The following AGBL1 variants were observed in gnomAD, a reference collection of about 807,000 sequenced individuals.
AGBL1 encodes the protein cytosolic carboxypeptidase 4.
In AGBL1, 130 loss-of-function variants were observed where a neutral mutation model predicts 118.9. That is an observed-to-expected ratio of 1.09 (90% CI 0.95 to 1.26). The LOEUF is 1.26. Among genes scored for constraint, AGBL1 ranks in the 50% most tolerant of loss-of-function variants. The probability of loss-of-function intolerance (pLI) is 0.00; values close to 1 mark genes in which losing one functional copy is unlikely to be tolerated. For synonymous variants in AGBL1, 555 were observed against 478.9 expected, an observed-to-expected ratio of 1.16 and a Z score of -2.08; for missense variants, 1,584 against 1,298.1, an observed-to-expected ratio of 1.22 and a Z score of -3.38.
intron 5 of AGBL1, among the ~76,000 whole-genome samples, chr15:86,223,795 T>G (rs2078316433): frequency 6.6e-6 from 1 of 152,220 alleles, no homozygotes; most frequent in African/African-American, 2.4e-5. Context: ...ACTGCTTTTC[T>G]ACTGTATTTT....
At chr15:86,960,377 G>A (rs2080979806) in intron 23 of AGBL1, among the ~76,000 whole-genome samples, 1 of 151,942 alleles carries the variant, frequency 6.6e-6, no homozygotes. Context: ...TAAATTATCT[G>A]GTTGAAATGA....
At chr15:86,121,651 T>C (rs890053516) in intron 1 of AGBL1, among the ~76,000 whole-genome samples, 3 of 152,226 alleles carry the variant, frequency 2.0e-5, no homozygotes, top group Non-Finnish European at 4.4e-5. Context: ...AGAATCCTCA[T>C]GGATTCTAAG....
intron 22 of AGBL1, among the ~76,000 whole-genome samples, chr15:86,711,313 C>A (rs1028656102): frequency 1.3e-5 from 2 of 152,112 alleles, no homozygotes; most frequent in African/African-American, 4.8e-5. Context: ...CCAACAAGAT[C>A]AATGAAAGCC....
chr15:86,319,205 A>T (rs149233308), intron 17 of AGBL1, among the ~76,000 whole-genome samples: 2 of 152,180 alleles, frequency 1.3e-5, no homozygotes. Context: ...AGGGAATCAT[A>T]GTATCTAGGA....
chr15:86,912,571 T>C lies in AGBL1; in HGVS notation c.*5277T>C, dbSNP rs1301280617. On this transcript the variant is annotated 3_prime_UTR_variant, in exon 23 of 23. Transcript: ENST00000614907. ...TTTGAAATTAACCTGCTCCCTGAGTTACAAGCTCACCTTGAGGGCTGCCAA... is the reference window on the plus strand; with the variant it reads ...TTTGAAATTAACCTGCTCCCTGAGTCACAAGCTCACCTTGAGGGCTGCCAA... 6.6e-6 allele frequency: 1 copy of C among 152,028 alleles called. No homozygotes were observed. The highest frequency in any genetic ancestry group is 1.5e-5 in the Non-Finnish European group (1 of 68,034). 9.4% of individuals were successfully genotyped at this position (152,028 alleles called of 1,614,324 possible).
chr15:86,865,232 C>G (rs1411501180), intron 22 of AGBL1, among the ~76,000 whole-genome samples: 1 of 152,188 alleles, frequency 6.6e-6, no homozygotes, highest in Non-Finnish European at 1.5e-5. Flanking sequence ...TCATCGACAG[C>G]CCTGTGGGAG....
At chr15:86,655,384 C>G (rs976371993) in intron 21 of AGBL1, among the ~76,000 whole-genome samples, 1 of 152,094 alleles carries the variant, frequency 6.6e-6, no homozygotes, top group Non-Finnish European at 1.5e-5. Flanking sequence ...GCAATGATGT[C>G]CTAACTAGTA....
chr15:86,921,663 T>C (rs888168879), intron 23 of AGBL1, among the ~76,000 whole-genome samples: 1 of 152,088 alleles, frequency 6.6e-6, no homozygotes, highest in African/African-American at 2.4e-5. Flanking sequence ...TGATGAGGTT[T>C]GGAGTTGCCT....
intron 22 of AGBL1, among the ~76,000 whole-genome samples, chr15:86,881,684 G>T (rs1190895381): frequency 1.3e-5 from 2 of 152,108 alleles, no homozygotes; most frequent in Non-Finnish European, 2.9e-5. Context: ...ACGCAGGCTG[G>T]AGTGCAGTGG....
intron 17 of AGBL1, among the ~76,000 whole-genome samples, chr15:86,330,899 C>A (rs2080257918): frequency 6.6e-6 from 1 of 151,946 alleles, no homozygotes; most frequent in Admixed American, 6.6e-5. Context: ...TCAAACTAAC[C>A]CAGTCAGACA....
intron 24 of AGBL1, among the ~76,000 whole-genome samples, chr15:86,995,699 C>T (rs1481533957): frequency 6.6e-6 from 1 of 152,206 alleles, no homozygotes; most frequent in Non-Finnish European, 1.5e-5. Context: ...TTCTCTGCTA[C>T]ATTAAGATTT....
chr15:86,898,233 G>T (rs999015594), intron 22 of AGBL1, among the ~76,000 whole-genome samples: 12 of 152,182 alleles, frequency 7.9e-5, no homozygotes, highest in Non-Finnish European at 1.6e-4. Flanking sequence ...TGTCTAAAAA[G>T]TAGCTTGACT....
intron 22 of AGBL1, among the ~76,000 whole-genome samples, chr15:86,680,579 T>TC (rs1487484588): frequency 7.0e-6 from 1 of 143,532 alleles, no homozygotes; most frequent in Non-Finnish European, 1.5e-5. Context: ...TTTTTTTTTT[T>TC]TTTTTTGAGA....
At chr15:86,181,569 G>A (rs1022851740) in intron 5 of AGBL1, among the ~76,000 whole-genome samples, 19 of 151,936 alleles carry the variant, frequency 1.3e-4, no homozygotes, top group African/African-American at 4.6e-4. Context: ...GAAAATTTGA[G>A]GAGGATATTG....
At chr15:86,798,171 CA>C (rs1330614450) in intron 22 of AGBL1, among the ~76,000 whole-genome samples, 2 of 152,026 alleles carry the variant, frequency 1.3e-5, no homozygotes, top group African/African-American at 2.4e-5. Flanking sequence ...GAAAACAGAA[CA>C]AAACAACAAA....
chr15:86,493,872 A>G (rs918338234), intron 18 of AGBL1, among the ~76,000 whole-genome samples: 1 of 151,922 alleles, frequency 6.6e-6, no homozygotes, highest in African/African-American at 2.4e-5. Flanking sequence ...CCCTCCCCTG[A>G]CTGCCCCGAC....
intron 17 of AGBL1, among the ~76,000 whole-genome samples, chr15:86,370,063 A>T (rs1460055954): frequency 6.6e-6 from 1 of 152,212 alleles, no homozygotes; most frequent in East Asian, 1.9e-4. Flanking sequence ...CTATCATAAA[A>T]AATATTTAGA....
intron 21 of AGBL1, among the ~76,000 whole-genome samples, chr15:86,595,994 A>G (rs536277818): frequency 6.6e-6 from 1 of 152,056 alleles, no homozygotes; most frequent in African/African-American, 2.4e-5. Flanking sequence ...TCTGAAAAGC[A>G]TCTCAAAAGA....
At chr15:86,436,957 A>C (rs1472234154) in intron 18 of AGBL1, among the ~76,000 whole-genome samples, 2 of 151,924 alleles carry the variant, frequency 1.3e-5, no homozygotes, top group Non-Finnish European at 2.9e-5. Flanking sequence ...GCCTTGCCAA[A>C]TCTTGAAAAA....
Sources: allele counts gnomAD v4.1 joint callset (sites outside exome capture counted in the v4.1 genomes callset), GRCh38; gene constraint gnomAD v4.1.1; transcripts MANE v1.5; gene names NCBI Gene and HGNC (gene_info 2026-07-23, HGNC 2026-07-21).